C10orf143: variants seen among roughly 807,000 people sequenced by gnomAD.
C10orf143 encodes the protein uncharacterized protein C10orf143.
At chr10:130,101,062 A>G (rs928793783) in intron 1 of C10orf143, 4 of 151,986 alleles carry the variant, frequency 2.6e-5, no homozygotes, top group African/African-American at 9.7e-5. Flanking sequence ...GACTAAAAAT[A>G]CAAAAAATTA....
At chr10:130,053,437 T>C (rs1860759555) in intron 3 of C10orf143, among the ~76,000 whole-genome samples, 1 of 152,234 alleles carries the variant, frequency 6.6e-6, no homozygotes, top group Non-Finnish European at 1.5e-5. Context: ...AGGATGTTTT[T>C]TAAGCCGCTA....
At chr10:130,085,798 T>G (rs945880962) in intron 1 of C10orf143, among the ~76,000 whole-genome samples, 19 of 150,834 alleles carry the variant, frequency 1.3e-4, no homozygotes, top group Admixed American at 6.6e-5. Flanking sequence ...AAAAAAAATA[T>G]CTTGCATCCC....
chr10:130,051,283 G>A (rs1420736842), intron 3 of C10orf143, among the ~76,000 whole-genome samples: 6 of 87,156 alleles, frequency 6.9e-5, no homozygotes, highest in East Asian at 7.3e-4. Context: ...TCCTACCCCC[G>A]CCTCATTAAG....
At chr10:130,096,054 G>A (rs574678727) in intron 1 of C10orf143, among the ~76,000 whole-genome samples, 2 of 152,144 alleles carry the variant, frequency 1.3e-5, no homozygotes, top group South Asian at 4.2e-4. Context: ...TCTGATGAAG[G>A]GCTAATATCC....
chr10:130,038,629 C>T (rs1205147538), intron 3 of C10orf143, among the ~76,000 whole-genome samples: 2 of 152,158 alleles, frequency 1.3e-5, no homozygotes, highest in Non-Finnish European at 2.9e-5. Context: ...CCAGGACAGA[C>T]GGAGGTGTGG....
chr10:130,095,741 T>G (rs1861452503), intron 1 of C10orf143, among the ~76,000 whole-genome samples: 1 of 152,154 alleles, frequency 6.6e-6, no homozygotes, highest in Non-Finnish European at 1.5e-5. Flanking sequence ...CTAAGCCATA[T>G]GCAGAAAACT....
chr10:130,060,891 A>G (rs1239832028), downstream of C10orf143, among the ~76,000 whole-genome samples: 10 of 151,544 alleles, frequency 6.6e-5, no homozygotes, highest in Non-Finnish European at 1.5e-4. Flanking sequence ...TAATCCCAGC[A>G]CTAGGAGAGG....
At chr10:130,074,946 C>T (rs1371339628) in intron 3 of C10orf143, among the ~76,000 whole-genome samples, 1 of 152,064 alleles carries the variant, frequency 6.6e-6, no homozygotes, top group Admixed American at 6.5e-5. Context: ...CATGCACACA[C>T]ACTACATATG....
chr10:130,087,662 TA>T (rs1486882655), intron 1 of C10orf143, among the ~76,000 whole-genome samples: 2 of 152,106 alleles, frequency 1.3e-5, no homozygotes, highest in African/African-American at 4.8e-5. Context: ...GAAGTGTCTA[TA>T]AGGGATAGGG....
intron 1 of C10orf143, chr10:130,108,628 C>T: frequency 2.0e-6 from 1 of 497,520 alleles, no homozygotes; most frequent in South Asian, 2.4e-5. Context: ...AAATTATTTC[C>T]ATTGTATTTT....
intron 3 of C10orf143, among the ~76,000 whole-genome samples, chr10:130,076,309 C>T (rs1314288092): frequency 6.6e-6 from 1 of 152,176 alleles, no homozygotes; most frequent in Non-Finnish European, 1.5e-5. Context: ...GCCTCCTCCT[C>T]CTTCTCCCCC....
chr10:130,075,287 T>C (rs943727744), intron 3 of C10orf143, among the ~76,000 whole-genome samples: 2 of 152,102 alleles, frequency 1.3e-5, no homozygotes, highest in African/African-American at 4.8e-5. Flanking sequence ...ATGGGCAACA[T>C]TGAAGGGCCT....
At chr10:130,109,854 A>G (rs1312640394) in intron 1 of C10orf143, among the ~76,000 whole-genome samples, 7 of 152,058 alleles carry the variant, frequency 4.6e-5, no homozygotes, top group Non-Finnish European at 8.8e-5. Context: ...TCTAGAAGAA[A>G]AAAAAAAGCA....
chr10:130,058,027 G>A (rs1187047776), intron 3 of C10orf143, among the ~76,000 whole-genome samples: 1 of 152,176 alleles, frequency 6.6e-6, no homozygotes, highest in African/African-American at 2.4e-5. Context: ...TTCCACTCTA[G>A]AGCCAGGGAA....
At chr10:130,106,469 G>A (rs866974664) in intron 1 of C10orf143, 2 of 1,602,528 alleles carry the variant, frequency 1.2e-6, no homozygotes, top group Middle Eastern at 1.7e-4. Flanking sequence ...TTCTGAACTT[G>A]AGCATGAAAT....
intron 1 of C10orf143, among the ~76,000 whole-genome samples, chr10:130,080,411 GT>G (rs1861187252): frequency 6.6e-6 from 1 of 152,166 alleles, no homozygotes; most frequent in Non-Finnish European, 1.5e-5. Context: ...TTAGCATTTG[GT>G]TTTTACTACT....
intron 3 of C10orf143, among the ~76,000 whole-genome samples, chr10:130,040,842 A>G (rs1453820823): frequency 6.6e-6 from 1 of 151,214 alleles, no homozygotes; most frequent in Non-Finnish European, 1.5e-5. Context: ...AAAAAAAAAA[A>G]GGTAGAATGA....
At chr10:130,041,306 G>A (rs1860604449) in intron 3 of C10orf143, among the ~76,000 whole-genome samples, 1 of 152,210 alleles carries the variant, frequency 6.6e-6, no homozygotes, top group African/African-American at 2.4e-5. Flanking sequence ...CCCCTCCGAA[G>A]GTCAGGGGAC....
intron 1 of C10orf143, among the ~76,000 whole-genome samples, chr10:130,101,854 AAAAAAAAAAC>A (rs1861557982): frequency 3.2e-5 from 1 of 31,114 alleles, no homozygotes; most frequent in East Asian, 2.0e-3. Flanking sequence ...TGTCTCAAAA[AAAAAAAAAAC>A]CAAAAAAAAA....
Sources: gnomAD v4.1 joint callset for allele counts (sites outside exome capture counted in the v4.1 genomes callset) on GRCh38, gnomAD v4.1.1 for gene constraint, MANE v1.5 for transcripts, NCBI Gene and HGNC (gene_info 2026-07-23, HGNC 2026-07-21) for gene names.